Variants in CHM observed in about 807,000 individuals in gnomAD.
CHM encodes the protein rab proteins geranylgeranyltransferase component A 1.
Under a neutral mutation model 49.0 loss-of-function variants are expected in CHM, and 10 were observed. The ratio of observed to expected loss-of-function variants is 0.20; its 90% CI spans 0.13 to 0.35. The LOEUF is 0.35. Among genes scored for constraint, CHM ranks in the 10% least tolerant of loss-of-function variants. CHM has a pLI of 1.00. For missense variants in CHM, 455 were observed against 478.4 expected (o/e 0.95, Z 0.46); for synonymous variants, 184 against 167.5 (o/e 1.10, Z -0.76).
At chrX:85,895,137 T>G (rs1569402789) in intron 11 of CHM, among the ~76,000 whole-genome samples, 1 of 84,086 alleles carries the variant, frequency 1.2e-5, no homozygotes, top group Non-Finnish European at 2.4e-5. Flanking sequence ...TTTTTTTTTG[T>G]TTTTTTTTTT....
chrX:85,902,444 G>A (rs1231924775), intron 9 of CHM, among the ~76,000 whole-genome samples: 2 of 111,551 alleles, frequency 1.8e-5, no homozygotes, highest in African/African-American at 6.5e-5. Flanking sequence ...AGTCTATGAT[G>A]TCTAGTGATG....
chrX:85,864,479 T>C lies in CHM; in HGVS notation c.*151A>G. 3.9e-6 allele frequency: 2 copies of C among 517,012 alleles called. No individual in the cohort carries two copies. Among genetic ancestry groups the C allele is most frequent in the Non-Finnish European group, 6.8e-6 (2 of 294,044 alleles). 42.6% of individuals were successfully genotyped at this position (517,012 alleles called of 1,213,427 possible). On this transcript the variant is annotated 3_prime_UTR_variant, in exon 15 of 15. Transcript: ENST00000357749. ...TGTTGTGTGTTCTTGGAATGTCCTC[T>C]ATAAGGAAAATCCCCTTTTGGATTT... is the stretch of plus-strand genomic sequence containing the variant.
At chrX:85,879,110 TTACTTA>T (rs1365546299) in intron 12 of CHM, 47 bp from the exon 13 acceptor site, 1 of 888,174 alleles carries the variant, frequency 1.1e-6, no homozygotes, top group Non-Finnish European at 1.6e-6. Flanking sequence ...CAAATCTATT[TTACTTA>T]TACTTAAGGC....
At chrX:85,881,469 A>G (rs926244819) in intron 12 of CHM, among the ~76,000 whole-genome samples, 56 of 112,282 alleles carry the variant, frequency 5.0e-4, no homozygotes, top group South Asian at 1.1e-3. Context: ...TACTTGTGCA[A>G]CAGCAAACTG....
rs1036252250 is a variant in CHM, at chrX:86,015,838, A to G, written c.116+11653T>C. Among the ~76,000 whole-genome samples, 8 of 112,677 alleles carry G rather than the reference A, an allele frequency of 7.1e-5. No individual in the cohort carries two copies. In the South Asian group the frequency reaches 1.8e-3, roughly 26 times the overall value. On this transcript the variant is annotated intron_variant, in intron 2 of 14. Coordinates refer to ENST00000357749, the MANE Select transcript of CHM (RefSeq NM_000390.4). ...AAATGTCTAAGCGGCAAAGCATTCA[A>G]GAGGTGACTTGGGGCCGGGCGGGGT...
chrX:85,877,598 T>C (rs907906147), intron 13 of CHM, among the ~76,000 whole-genome samples: 1 of 111,857 alleles, frequency 8.9e-6, no homozygotes, highest in African/African-American at 3.2e-5. Flanking sequence ...ATAACTGGAA[T>C]GATTGTAACA....
chrX:85,863,576 G>T lies in CHM; in HGVS notation c.*1054C>A, dbSNP rs1000717120. 1 of 111,842 alleles carries T rather than the reference G, an allele frequency of 8.9e-6. No individual in the cohort carries two copies. The highest frequency in any genetic ancestry group is 1.9e-5 in the Non-Finnish European group (1 of 53,174). The allele number at this position is 111,842 out of a possible 1,213,427, so 9.2% of individuals were successfully genotyped here. A position where few individuals can be genotyped will look rare whatever the true frequency, so the allele number is the denominator to read the frequency against. On this transcript the variant is annotated 3_prime_UTR_variant, in exon 15 of 15. Coordinates refer to ENST00000357749, the MANE Select transcript of CHM (RefSeq NM_000390.4). The stretch of plus-strand genomic sequence containing the variant: ...GACTATAAAATACTACTTTAAAAAA[G>T]AAATTTTCATTTAAAAAGCTTAATG...
At position 85,911,202 on chromosome X, in the gene CHM, A is replaced by T. The variant is rs1324734829; in HGVS notation, c.1244+59T>A. ...ATATATATATGAATATATATATATG[A>T]ATATATATATATGAATATATATATA... On this transcript the variant is annotated intron_variant, in intron 9 of 14. Transcript: ENST00000357749. The T allele has an allele frequency of 6.5e-5, 4 of 61,508 alleles. No individual in the cohort carries two copies. In the African/African-American group the frequency reaches 1.1e-3, roughly 17 times the overall value. 5.1% of individuals were successfully genotyped at this position (61,508 alleles called of 1,213,427 possible).
intron 1 of CHM, among the ~76,000 whole-genome samples, chrX:86,036,015 G>C (rs1934229236): frequency 9.1e-6 from 1 of 109,919 alleles, no homozygotes; most frequent in Non-Finnish European, 1.9e-5. Context: ...GGATGGCCTG[G>C]ATCTCCTAAC....
chrX:85,939,060 C>T (rs1928954320), intron 8 of CHM, among the ~76,000 whole-genome samples: 1 of 111,965 alleles, frequency 8.9e-6, no homozygotes, highest in Admixed American at 9.5e-5. Context: ...CAATTGCCTA[C>T]AGTATTCAGT....
intron 2 of CHM, among the ~76,000 whole-genome samples, chrX:86,018,275 G>A (rs999974188): frequency 7.1e-5 from 8 of 111,922 alleles, no homozygotes; most frequent in African/African-American, 2.3e-4. Context: ...AAATAACCAC[G>A]TGAAAAATGT....
At chrX:85,868,651 A>G (rs948478193) in intron 14 of CHM, among the ~76,000 whole-genome samples, 1 of 111,654 alleles carries the variant, frequency 9.0e-6, no homozygotes, top group African/African-American at 3.3e-5. Context: ...GACATGCACC[A>G]TCTTTCAACT....
chrX:85,918,441 A>G (rs113031507), intron 8 of CHM, among the ~76,000 whole-genome samples: 19,041 of 111,548 alleles, frequency 0.17, 1,539 homozygotes, highest in Non-Finnish European at 0.25. Context: ...TTGCCAGCAG[A>G]AAAAACATGC....
chrX:85,935,073 T>G (rs1928701162), intron 8 of CHM, among the ~76,000 whole-genome samples: 1 of 111,821 alleles, frequency 8.9e-6, no homozygotes, highest in Admixed American at 9.5e-5. Context: ...TTCCACAGGC[T>G]GTTCAAGAAA....
At chrX:85,976,875 AACACACAC>A (rs201555478) in intron 4 of CHM, among the ~76,000 whole-genome samples, 3,793 of 76,189 alleles carry the variant, frequency 0.05, 199 homozygotes, top group African/African-American at 0.14. Context: ...AACACACACA[AACACACAC>A]ACACACACAC....
At chrX:85,956,046 T>C in intron 8 of CHM, 107 bp downstream of exon 8, 2 of 613,293 alleles carry the variant, frequency 3.3e-6, no homozygotes, top group Middle Eastern at 3.2e-4. Flanking sequence ...AAAGTATATA[T>C]TTGCATATAC....
At chrX:85,993,266 CCATT>C (rs1932287582) in intron 2 of CHM, among the ~76,000 whole-genome samples, 1 of 111,204 alleles carries the variant, frequency 9.0e-6, no homozygotes, top group South Asian at 3.8e-4. Context: ...ATTTGGTCAT[CCATT>C]CAGTTTCCCT....
At chrX:86,040,181 G>A (rs1221827883) in intron 1 of CHM, among the ~76,000 whole-genome samples, 1 of 112,307 alleles carries the variant, frequency 8.9e-6, no homozygotes, top group African/African-American at 3.2e-5. Context: ...AGCTAAAAGA[G>A]CACTGTAACA....
chrX:86,028,563 TATATATA>T (rs896302441), intron 1 of CHM, among the ~76,000 whole-genome samples: 7 of 111,480 alleles, frequency 6.3e-5, no homozygotes, highest in African/African-American at 2.0e-4. Flanking sequence ...TAAAAAGACA[TATATATA>T]TTATTTCTAC....
Sources: allele counts gnomAD v4.1 joint callset (sites outside exome capture counted in the v4.1 genomes callset), GRCh38; gene constraint gnomAD v4.1.1; transcripts MANE v1.5; gene names NCBI Gene and HGNC (gene_info 2026-07-23, HGNC 2026-07-21).